MRPS27: variants seen among roughly 807,000 people sequenced by gnomAD.
The protein encoded by MRPS27 is mitochondrial ribosomal protein S27.
Under a neutral mutation model 48.9 loss-of-function variants are expected in MRPS27, and 43 were observed. The ratio of observed to expected loss-of-function variants is 0.88; its 90% CI spans 0.69 to 1.13. The LOEUF is 1.13. Among genes scored for constraint, MRPS27 ranks in the 50% most tolerant of loss-of-function variants. MRPS27 has a pLI of 0.00. For missense variants in MRPS27, 467 were observed against 476.3 expected (o/e 0.98, Z 0.18); for synonymous variants, 188 against 171.9 (o/e 1.09, Z -0.73).
chr5:72,307,958 A>T (rs1354241232), intron 2 of MRPS27: 1 of 152,278 alleles, frequency 6.6e-6, no homozygotes, highest in Non-Finnish European at 1.5e-5. Flanking sequence ...TCACTGAGAA[A>T]GCTTTTTGGG....
chr5:72,238,697 C>G (rs190214492), intron 4 of MRPS27, among the ~76,000 whole-genome samples: 1 of 152,178 alleles, frequency 6.6e-6, no homozygotes, highest in Non-Finnish European at 1.5e-5. Flanking sequence ...CAATCCCACA[C>G]TGCCTTCTTC....
chr5:72,221,232 C>T (rs1233690457), intron 10 of MRPS27, 84 bp from the exon 11 acceptor site: 1 of 1,509,090 alleles, frequency 6.6e-7, no homozygotes, highest in African/African-American at 1.4e-5. Flanking sequence ...CCCTGAGTGA[C>T]TGACTTTAGA....
rs943851283 is a variant in MRPS27 at position 72,320,184 on chromosome 5, G to A, written c.38C>T (p.Ala13Val). The A allele has an allele frequency of 1.2e-6, 2 of 1,613,998 alleles. No individual in the cohort carries two copies. Among genetic ancestry groups the A allele is most frequent in the Non-Finnish European group, 1.7e-6 (2 of 1,179,900 alleles). The change falls in exon 1 of 11, where the codon GCG becomes GTG. Residue 13 changes from alanine to valine, a missense_variant. Physicochemically the swap from Ala to Val is moderately conservative, Grantham distance 64. Coordinates refer to ENST00000261413, the MANE Select transcript of MRPS27 (RefSeq NM_015084.3). ...ASIVRRGMLL[A>V]RQVVLPQLSP... Reference sequence around the variant, plus strand: ...GAGCTGAGGAAGAACCACTTGCCGCGCCAGGAGCATCCCGCGCCGCACTAT... The same window carrying A: ...GAGCTGAGGAAGAACCACTTGCCGCACCAGGAGCATCCCGCGCCGCACTAT...
intron 4 of MRPS27, 38 bp from the exon 5 acceptor site, chr5:72,238,166 T>G (rs1020501983): frequency 2.2e-6 from 3 of 1,388,100 alleles, no homozygotes; most frequent in Non-Finnish European, 3.1e-6. Context: ...TGGTGTTAAC[T>G]CTTATATGTT....
At chr5:72,288,045 T>A (rs1470691187) in intron 4 of MRPS27, among the ~76,000 whole-genome samples, 2 of 152,162 alleles carry the variant, frequency 1.3e-5, no homozygotes, top group African/African-American at 4.8e-5. Flanking sequence ...TAAAATGGAA[T>A]AACCATCTAA....
chr5:72,236,600 T>C (rs529704317), intron 5 of MRPS27, among the ~76,000 whole-genome samples: 1 of 152,282 alleles, frequency 6.6e-6, no homozygotes, highest in Admixed American at 6.5e-5. Flanking sequence ...TTTCCTCCTC[T>C]TGAGATTCAA....
intron 10 of MRPS27, among the ~76,000 whole-genome samples, chr5:72,221,793 T>C (rs147483343): frequency 1.6e-3 from 237 of 152,370 alleles, no homozygotes; most frequent in African/African-American, 5.3e-3. Flanking sequence ...CTCCACTGCA[T>C]TGGGTCTTAG....
At chr5:72,287,866 A>T (rs2112045773) in intron 4 of MRPS27, among the ~76,000 whole-genome samples, 1 of 152,342 alleles carries the variant, frequency 6.6e-6, no homozygotes, top group South Asian at 2.1e-4. Context: ...TAAAAAGTTA[A>T]ACATTTACTT....
At chr5:72,249,436 C>T (rs939601438) in intron 4 of MRPS27, among the ~76,000 whole-genome samples, 3 of 152,224 alleles carry the variant, frequency 2.0e-5, no homozygotes, top group Non-Finnish European at 4.4e-5. Context: ...GTAATCCTGG[C>T]ACTGTGGGAG....
At chr5:72,255,034 T>C (rs201536278) in intron 4 of MRPS27, among the ~76,000 whole-genome samples, 58 of 129,544 alleles carry the variant, frequency 4.5e-4, no homozygotes, top group East Asian at 2.6e-3. Flanking sequence ...CTTTTCTTTT[T>C]TTTTTTTTTT....
At position 72,223,691 on chromosome 5, in the gene MRPS27, G is replaced by A. The variant is rs1248856898; in HGVS notation, c.997C>T (p.Arg333Ter). ...EQSKLPQYLE[R>*]FKALHSKLQA... The stretch of plus-strand genomic sequence containing the variant: ...GTTCTGCTATGATTCACCTTAAATC[G>A]TTCCAGGTATTGAGGAAGCTTGGAC... The change falls in exon 10 of 11, where the codon CGA becomes TGA. Residue 333 changes from arginine (R) to a stop codon, truncating the protein, a stop_gained. Transcript: ENST00000261413. LOFTEE classifies it low-confidence loss of function (END_TRUNC). The A allele has an allele frequency of 1.5e-5, 24 of 1,613,808 alleles. No individual in the cohort carries two copies. The highest frequency in any genetic ancestry group is 1.9e-5 in the Non-Finnish European group (23 of 1,179,906).
At chr5:72,273,146 T>C (rs1276971394) in intron 4 of MRPS27, among the ~76,000 whole-genome samples, 1 of 152,146 alleles carries the variant, frequency 6.6e-6, no homozygotes, top group East Asian at 1.9e-4. Context: ...TACCCTGTTC[T>C]TACATGATCA....
chr5:72,256,173 TATA>T (rs1306211700), intron 4 of MRPS27, among the ~76,000 whole-genome samples: 1 of 152,240 alleles, frequency 6.6e-6, no homozygotes, highest in Non-Finnish European at 1.5e-5. Flanking sequence ...CTTCAATGAC[TATA>T]ATATCTAAGG....
chr5:72,255,362 T>C, intron 4 of MRPS27, among the ~76,000 whole-genome samples: 1 of 152,162 alleles, frequency 6.6e-6, no homozygotes, highest in Non-Finnish European at 1.5e-5. Flanking sequence ...GTAATACATT[T>C]CTTGATATAC....
intron 2 of MRPS27, among the ~76,000 whole-genome samples, chr5:72,307,047 A>T (rs951875198): frequency 6.6e-5 from 10 of 152,184 alleles, no homozygotes; most frequent in African/African-American, 2.4e-4. Context: ...TAAAAAAAAA[A>T]ATTTGAGAGT....
chr5:72,270,265 A>G (rs1749203294), intron 4 of MRPS27, among the ~76,000 whole-genome samples: 1 of 149,632 alleles, frequency 6.7e-6, no homozygotes, highest in Non-Finnish European at 1.5e-5. Context: ...AAAAACTATC[A>G]TAAAGCAAAG....
intron 4 of MRPS27, among the ~76,000 whole-genome samples, chr5:72,239,675 ATTTTT>A (rs1201413949): frequency 1.3e-5 from 2 of 151,724 alleles, no homozygotes; most frequent in African/African-American, 4.9e-5. Context: ...ATTTGTTTTT[ATTTTT>A]TTATTTTTAT....
intron 10 of MRPS27, chr5:72,222,432 T>C (rs918522374): frequency 6.6e-6 from 1 of 152,228 alleles, no homozygotes; most frequent in Non-Finnish European, 1.5e-5. Context: ...ATGTAGTTAG[T>C]AGTCAATAAA....
chr5:72,224,627 T>C, intron 9 of MRPS27, among the ~76,000 whole-genome samples: 1 of 152,196 alleles, frequency 6.6e-6, no homozygotes, highest in East Asian at 1.9e-4. Flanking sequence ...AGGGTCCCCC[T>C]CAGAAAGATT....
Sources: allele counts gnomAD v4.1 joint callset (sites outside exome capture counted in the v4.1 genomes callset), GRCh38; gene constraint gnomAD v4.1.1; transcripts MANE v1.5; gene names NCBI Gene and HGNC (gene_info 2026-07-23, HGNC 2026-07-21).